The following TTF2 variants were observed in gnomAD, a reference collection of about 807,000 sequenced individuals.
TTF2 encodes the protein transcription termination factor 2.
In TTF2, 108 loss-of-function variants were observed where a neutral mutation model predicts 142.4. The ratio of observed to expected loss-of-function variants is 0.76; its 90% CI spans 0.65 to 0.89. The LOEUF (loss-of-function observed/expected upper bound fraction) is 0.89, where lower values mean the gene tolerates loss of function less well. Ranked by LOEUF, TTF2 falls within the 40% of genes least tolerant of loss-of-function variation. TTF2 has a pLI of 0.00. For synonymous variants in TTF2, 483 were observed against 506.2 expected (o/e 0.95, Z 0.61); for missense variants, 1,327 against 1,379.8 (o/e 0.96, Z 0.61).
Position 117,105,775 on chromosome 1 carries a change from GA to G in TTF2, c.*4256del, listed in dbSNP as rs1649890464. The G allele has an allele frequency of 1.3e-5, 2 of 151,706 alleles. No individual in the cohort carries two copies. The highest frequency in any genetic ancestry group is 4.2e-4 in the South Asian group (2 of 4,804). 9.4% of individuals were successfully genotyped at this position (151,706 alleles called of 1,614,324 possible). On this transcript the variant is annotated 3_prime_UTR_variant, in exon 23 of 23. Transcript: ENST00000369466. The surrounding 1 kb of genome is among the most constrained non-coding windows in gnomAD (Gnocchi z 4.7). The stretch of plus-strand genomic sequence containing the variant: ...TGGAACAATTGCTAATGAAAAGAAG[GA>G]AAAACAGAAAAAAAAAATTTTCTGT...
At position 117,101,357 on chromosome 1, in the gene TTF2, T is replaced by A. The variant is rs756477428; in HGVS notation, c.3345-23T>A. On this transcript the variant is annotated intron_variant, in intron 22 of 22. Transcript: ENST00000369466. This position sits in a 1 kb window ranked among gnomAD's most constrained non-coding sequence, Gnocchi z 5.9. ...TGCTTAGGGTTTTTGATAGTTTGCT[T>A]ATTTTTTGTTTTTGTTTTTTAGATT... 3 of 1,564,850 alleles carry A rather than the reference T, an allele frequency of 1.9e-6. No homozygotes were observed. The South Asian group carries it at 3.6e-5, about 19-fold the overall frequency.
chr1:117,066,864 A>T lies in TTF2; in HGVS notation c.218+4391A>T, dbSNP rs532296823. Among the ~76,000 whole-genome samples the T allele has an allele frequency of 2.6e-5, 4 of 152,092 alleles. No homozygotes were observed. The South Asian group carries it at 6.3e-4, about 24-fold the overall frequency. ...ATTACAGGTGTGTGTCACGACGCCC[A>T]GCTAATTTTTGTATTTTTAGTAGAC... is the stretch of plus-strand genomic sequence containing the variant. On this transcript the variant is annotated intron_variant, in intron 3 of 22. Transcript: ENST00000369466.
At chr1:117,060,842 A>G (rs544215001) in intron 2 of TTF2, among the ~76,000 whole-genome samples, 1 of 152,214 alleles carries the variant, frequency 6.6e-6, no homozygotes, top group South Asian at 2.1e-4. Flanking sequence ...CTGGGTTTCT[A>G]TTCACTTGAC....
chr1:117,075,567 C>G lies in TTF2; in HGVS notation c.983C>G (p.Pro328Arg), dbSNP rs753828567. 6.2e-7 allele frequency: 1 copy of G among 1,614,140 alleles called. No individual in the cohort carries two copies. The highest frequency in any genetic ancestry group is 8.5e-7 in the Non-Finnish European group (1 of 1,180,018). Residue 328 changes from proline to arginine, a missense_variant, in exon 5 of 23, where the codon CCA becomes CGA. Transcript: ENST00000369466. The surrounding 1 kb of genome is among the most constrained non-coding windows in gnomAD (Gnocchi z 4.5). ...ETHSVPAPGG[P>R]AAQAAPAAPG... is the part of the protein sequence containing the mutation. ...CACAGTGTGCCTGCTCCTGGAGGAC[C>G]AGCGGCTCAGGCTGCACCAGCAGCA...
rs1647775769 is a variant in TTF2, at chr1:117,083,974, A to G, written c.1904-44A>G. The G allele has an allele frequency of 3.7e-6, 6 of 1,609,190 alleles. No homozygotes were observed. In the South Asian group the frequency reaches 4.4e-5, roughly 12 times the overall value. ...TATTAAAAAAGAAAAGTTAAAAGCC[A>G]TTTGGTGAATGTAACTAGGCACTGA... On this transcript the variant is annotated intron_variant, in intron 10 of 22. Coordinates refer to ENST00000369466, the MANE Select transcript of TTF2 (RefSeq NM_003594.4).
intron 7 of TTF2, 111 bp from the exon 8 acceptor site, chr1:117,077,802 AGTT>A: frequency 7.5e-7 from 1 of 1,326,312 alleles, no homozygotes; most frequent in Non-Finnish European, 1.1e-6. Context: ...TGAGGAGAGT[AGTT>A]AACAAGGAGG....
Position 117,076,910 on chromosome 1 carries a change from C to T in TTF2, c.1573+87C>T. On this transcript the variant is annotated intron_variant, in intron 7 of 22. Coordinates refer to ENST00000369466, the MANE Select transcript of TTF2 (RefSeq NM_003594.4). This position sits in a 1 kb window ranked among gnomAD's most constrained non-coding sequence, Gnocchi z 4.6. ...GTACAGTAGTCACCTCTTATCCACA[C>T]TTTCAGTTAACCTTAGTCACCTGTG... The T allele has an allele frequency of 1.6e-6, 2 of 1,277,796 alleles. No homozygotes were observed. The highest frequency in any genetic ancestry group is 2.1e-6 in the Non-Finnish European group (2 of 936,014). The allele number at this position is 1,277,796 out of a possible 1,614,324, so 79.2% of individuals were successfully genotyped here.
rs1347960366 is a variant in TTF2, at chr1:117,076,864, C to T, written c.1573+41C>T. The T allele has an allele frequency of 6.4e-7, 1 of 1,559,594 alleles. No individual in the cohort carries two copies. Among genetic ancestry groups the T allele is most frequent in the African/African-American group, 1.4e-5 (1 of 73,498 alleles). Reference sequence around the variant, plus strand: ...CTGACCCTGCTGTGAATAGCCACCCCTGTGAGTTACGTGCCACCCGGTACA... The same window carrying T: ...CTGACCCTGCTGTGAATAGCCACCCTTGTGAGTTACGTGCCACCCGGTACA... On this transcript the variant is annotated intron_variant, in intron 7 of 22. Transcript: ENST00000369466. This position sits in a 1 kb window ranked among gnomAD's most constrained non-coding sequence, Gnocchi z 4.6.
intron 21 of TTF2, 92 bp from the exon 22 acceptor site, chr1:117,098,741 C>T: frequency 9.3e-7 from 1 of 1,075,828 alleles, no homozygotes; most frequent in Non-Finnish European, 1.3e-6. Context: ...GCTACAAAAA[C>T]AAGCTGTGGG....
chr1:117,072,464 C>T (rs948374566), intron 3 of TTF2, among the ~76,000 whole-genome samples: 5 of 123,754 alleles, frequency 4.0e-5, no homozygotes, highest in African/African-American at 1.6e-4. Flanking sequence ...CTCACTGTGT[C>T]GCCAGGCTGG....
chr1:117,097,457 G>T lies in TTF2; in HGVS notation c.3269+24G>T, dbSNP rs757575200. ...TGGTAATGATTCCGGATTTGTCCTG[G>T]GTTGTCACAGCACATCAAGGAGGCC... is the stretch of plus-strand genomic sequence containing the variant. On this transcript the variant is annotated intron_variant, in intron 21 of 22. Coordinates refer to ENST00000369466, the MANE Select transcript of TTF2 (RefSeq NM_003594.4). This position sits in a 1 kb window ranked among gnomAD's most constrained non-coding sequence, Gnocchi z 4.1. The T allele has an allele frequency of 1.9e-6, 3 of 1,611,580 alleles. No individual in the cohort carries two copies. In the Admixed American group the frequency reaches 5.0e-5, roughly 27 times the overall value.
Position 117,060,455 on chromosome 1 carries a change from G to C in TTF2, c.29G>C (p.Gly10Ala). Reference sequence around the variant, plus strand: ...GTTGTTCACTTTCTTCTCTCTTCAGGGACTTTCTGCTTTCTTAAGACCGGC... The same window carrying C: ...GTTGTTCACTTTCTTCTCTCTTCAGCGACTTTCTGCTTTCTTAAGACCGGC... MEEVRCPEH[G>A]TFCFLKTGVR... Residue 10 changes from glycine to alanine, a missense_variant and splice_region_variant, in exon 2 of 23, where the codon GGG becomes GCG. By Grantham distance (60) the Gly-to-Ala change is moderately conservative. Transcript: ENST00000369466. 7 of 1,613,548 alleles carry C rather than the reference G, an allele frequency of 4.3e-6. No individual in the cohort carries two copies. Among genetic ancestry groups the C allele is most frequent in the Non-Finnish European group, 5.9e-6 (7 of 1,179,708 alleles).
In TTF2 at chr1:117,090,238, AG is replaced by A. The variant is rs748246837; in HGVS notation, c.2496+32del. The A allele has an allele frequency of 3.1e-6, 5 of 1,607,082 alleles. No homozygotes were observed. In the East Asian group the frequency reaches 1.1e-4, roughly 36 times the overall value. On this transcript the variant is annotated intron_variant, in intron 14 of 22. Coordinates refer to ENST00000369466, the MANE Select transcript of TTF2 (RefSeq NM_003594.4). The surrounding 1 kb of genome is among the most constrained non-coding windows in gnomAD (Gnocchi z 4.8). ...TCAAGTTTGTACCTGTCCCTGGGGG[AG>A]GCCAGGGAAGGAACATGACTGTGTC... is the stretch of plus-strand genomic sequence containing the variant.
At chr1:117,064,112 T>C (rs1357549247) in intron 3 of TTF2, among the ~76,000 whole-genome samples, 1 of 152,224 alleles carries the variant, frequency 6.6e-6, no homozygotes, top group Admixed American at 6.5e-5. Context: ...AGTATAACTT[T>C]GGAGATCTTT....
In TTF2 at chr1:117,073,318, C is replaced by A. The variant is rs1047130035; in HGVS notation, c.219-343C>A. Among the ~76,000 whole-genome samples, 4 of 152,112 alleles carry A rather than the reference C, an allele frequency of 2.6e-5. No homozygotes were observed. Among genetic ancestry groups the A allele is most frequent in the African/African-American group, 9.7e-5 (4 of 41,418 alleles). On this transcript the variant is annotated intron_variant, in intron 3 of 22. Transcript: ENST00000369466. This position sits in a 1 kb window ranked among gnomAD's most constrained non-coding sequence, Gnocchi z 4.4. Reference sequence around the variant, plus strand: ...GCTTTGTAGCTAGTGTTGTGACCCCCCTTCAGGGACACACAGTGTCTGGCT... The same window carrying A: ...GCTTTGTAGCTAGTGTTGTGACCCCACTTCAGGGACACACAGTGTCTGGCT...
rs1392432137 is a variant in TTF2 at position 117,093,564 on chromosome 1, T to C, written c.2976+663T>C. 1.3e-5 allele frequency among the ~76,000 whole-genome samples: 2 copies of C among 152,150 alleles called. No homozygotes were observed. The highest frequency in any genetic ancestry group is 2.9e-5 in the Non-Finnish European group (2 of 68,018). On this transcript the variant is annotated intron_variant, in intron 18 of 22. Coordinates refer to ENST00000369466, the MANE Select transcript of TTF2 (RefSeq NM_003594.4). The surrounding 1 kb of genome is among the most constrained non-coding windows in gnomAD (Gnocchi z 4.5). ...CTCAACCTCTCTTCAAAGGCTTTTT[T>C]TGAAAAAGTGTATTAATAACTAGAA...
Position 117,092,014 on chromosome 1 carries a change from T to G in TTF2, c.2805+64T>G. 6.7e-7 allele frequency: 1 copy of G among 1,493,600 alleles called. No individual in the cohort carries two copies. The highest frequency in any genetic ancestry group is 9.1e-7 in the Non-Finnish European group (1 of 1,103,304). The allele number at this position is 1,493,600 out of a possible 1,614,324, so 92.5% of individuals were successfully genotyped here. ...AGAGGGGCCACCTGAGAAGTCAATT[T>G]CACTCTCCTCCAACTGGAATCCAGT... On this transcript the variant is annotated intron_variant, in intron 17 of 22. Coordinates refer to ENST00000369466, the MANE Select transcript of TTF2 (RefSeq NM_003594.4). This position sits in a 1 kb window ranked among gnomAD's most constrained non-coding sequence, Gnocchi z 4.4.
chr1:117,066,695 CTT>C (rs530588185), intron 3 of TTF2, among the ~76,000 whole-genome samples: 12,445 of 115,064 alleles, frequency 0.11, 1,073 homozygotes, highest in African/African-American at 0.25. Context: ...CTAATCATGT[CTT>C]TTTTTTTTTT....
At chr1:117,082,107 G>GATATCATATCAATT (rs767224909) in intron 10 of TTF2, 160 bp downstream of exon 10, 12 of 1,090,650 alleles carry the variant, frequency 1.1e-5, no homozygotes, top group Non-Finnish European at 1.6e-5. Flanking sequence ...TTCTGATGCT[G>GATATCATATCAATT]AGTATGCTAA....
Sources: gnomAD v4.1 joint callset for allele counts (sites outside exome capture counted in the v4.1 genomes callset) on GRCh38, gnomAD v4.1.1 for gene constraint, Gnocchi (gnomAD v3.1) non-coding constraint, MANE v1.5 for transcripts, NCBI Gene and HGNC (gene_info 2026-07-23, HGNC 2026-07-21) for gene names.